NRG3: variants seen among roughly 807,000 people sequenced by gnomAD.
NRG3 encodes the protein neuregulin 3.
Under a neutral mutation model 66.9 loss-of-function variants are expected in NRG3, and 31 were observed. The ratio of observed to expected loss-of-function variants is 0.46; its 90% CI spans 0.35 to 0.63. NRG3 has a LOEUF of 0.63. Ranked by LOEUF, NRG3 falls within the 20% of genes least tolerant of loss-of-function variation. NRG3 has a pLI of 0.00. For missense variants in NRG3, 910 were observed against 878.9 expected (o/e 1.04, Z -0.45); for synonymous variants, 393 against 359.4 (o/e 1.09, Z -1.06).
At chr10:82,853,674 C>G (rs1233635624) in intron 3 of NRG3, among the ~76,000 whole-genome samples, 3 of 152,098 alleles carry the variant, frequency 2.0e-5, no homozygotes, top group Non-Finnish European at 4.4e-5. Flanking sequence ...TTGCTAGATT[C>G]ATTTATCAGT....
At chr10:82,964,862 T>A (rs549804927) in intron 6 of NRG3, among the ~76,000 whole-genome samples, 1 of 152,360 alleles carries the variant, frequency 6.6e-6, no homozygotes, top group East Asian at 1.9e-4. Context: ...ACTCCTGCTG[T>A]GTGCATGTGG....
intron 6 of NRG3, among the ~76,000 whole-genome samples, chr10:82,959,948 C>T (rs1485334888): frequency 6.6e-6 from 1 of 152,194 alleles, no homozygotes. Flanking sequence ...CCCCACACAG[C>T]ATCCGCACTT....
chr10:82,831,672 G>T (rs1320479018), intron 3 of NRG3, among the ~76,000 whole-genome samples: 2 of 152,202 alleles, frequency 1.3e-5, no homozygotes, highest in Admixed American at 6.5e-5. Context: ...AAATTAGCTT[G>T]GTGTGGTGGC....
chr10:82,117,677 G>T (rs2067813578), intron 1 of NRG3, among the ~76,000 whole-genome samples: 1 of 152,040 alleles, frequency 6.6e-6, no homozygotes, highest in African/African-American at 2.4e-5. Flanking sequence ...GCATTGCCCA[G>T]AGTGTCTTGT....
intron 1 of NRG3, among the ~76,000 whole-genome samples, chr10:82,305,156 G>A (rs1051610155): frequency 1.3e-5 from 2 of 151,170 alleles, no homozygotes; most frequent in African/African-American, 2.4e-5. Context: ...CACCACGCTC[G>A]GCTAATTTTT....
chr10:82,651,780 T>C (rs2051436789), intron 2 of NRG3, among the ~76,000 whole-genome samples: 1 of 152,058 alleles, frequency 6.6e-6, no homozygotes, highest in Non-Finnish European at 1.5e-5. Flanking sequence ...CTCATAGATA[T>C]ATGAGGTATA....
intron 1 of NRG3, among the ~76,000 whole-genome samples, chr10:82,273,632 A>G (rs991696657): frequency 1.3e-5 from 2 of 151,966 alleles, no homozygotes; most frequent in African/African-American, 4.8e-5. Context: ...ATTTTAAAAA[A>G]TTTTCTTAAT....
chr10:82,525,769 A>G (rs2132590435), intron 2 of NRG3, among the ~76,000 whole-genome samples: 1 of 152,118 alleles, frequency 6.6e-6, no homozygotes, highest in South Asian at 2.1e-4. Flanking sequence ...ATTATCAGAG[A>G]CAGATCATAA....
chr10:82,835,576 G>A (rs2062732609), intron 3 of NRG3, among the ~76,000 whole-genome samples: 2 of 152,184 alleles, frequency 1.3e-5, no homozygotes, highest in South Asian at 4.2e-4. Context: ...TGATCTTACA[G>A]TCTCAATCCC....
chr10:82,349,910 G>A (rs1212938911), intron 1 of NRG3, among the ~76,000 whole-genome samples: 2 of 152,208 alleles, frequency 1.3e-5, no homozygotes, highest in African/African-American at 2.4e-5. Context: ...GCAATGCCTC[G>A]CCCTGCTTCG....
chr10:82,505,797 G>A (rs1844613834), intron 2 of NRG3, among the ~76,000 whole-genome samples: 1 of 152,192 alleles, frequency 6.6e-6, no homozygotes, highest in Non-Finnish European at 1.5e-5. Context: ...TGAAGGCACT[G>A]AACATCTAGA....
intron 1 of NRG3, among the ~76,000 whole-genome samples, chr10:82,133,257 T>G (rs1389361796): frequency 1.3e-5 from 2 of 152,162 alleles, no homozygotes; most frequent in East Asian, 3.8e-4. Context: ...AACATTGTTA[T>G]TTTGAAAAAC....
Position 82,323,966 on chromosome 10 carries a change from G to A in NRG3, c.824-34773G>A, listed in dbSNP as rs530462980. 4.6e-5 allele frequency among the ~76,000 whole-genome samples: 7 copies of A among 152,250 alleles called. No homozygotes were observed. The East Asian group carries it at 1.4e-3, about 29-fold the overall frequency. ...TGCAACCTCCACCTCGCAGGTTCAA[G>A]CTATTCTCTCGCCTTAGCCTCCTGA... On this transcript the variant is annotated intron_variant, in intron 1 of 8. Coordinates refer to ENST00000372141, the MANE Select transcript of NRG3 (RefSeq NM_001010848.4).
intron 4 of NRG3, among the ~76,000 whole-genome samples, chr10:82,947,744 A>G (rs1231759260): frequency 6.6e-6 from 1 of 152,110 alleles, no homozygotes; most frequent in Non-Finnish European, 1.5e-5. Flanking sequence ...TGTCTATTCA[A>G]CTATGTTTTG....
chr10:82,469,713 T>A (rs1841047757), intron 2 of NRG3, among the ~76,000 whole-genome samples: 1 of 152,124 alleles, frequency 6.6e-6, no homozygotes, highest in East Asian at 1.9e-4. Context: ...TCTGAGTACA[T>A]AGGAAGCCTG....
At chr10:82,968,649 G>GAGGAAGGGAGGC (rs1851430031) in intron 6 of NRG3, among the ~76,000 whole-genome samples, 1 of 134,550 alleles carries the variant, frequency 7.4e-6, no homozygotes, top group African/African-American at 2.6e-5. Flanking sequence ...GGAAGGAAGG[G>GAGGAAGGGAGGC]AGGAAGGGAG....
At chr10:82,951,721 T>C in intron 5 of NRG3, 150 bp downstream of exon 5, 1 of 643,628 alleles carries the variant, frequency 1.6e-6, no homozygotes, top group Non-Finnish European at 2.8e-6. Context: ...TTTTTGTAAA[T>C]TGTGGTGAGT....
chr10:82,100,006 A>T (rs939281188), intron 1 of NRG3, among the ~76,000 whole-genome samples: 3 of 146,312 alleles, frequency 2.1e-5, no homozygotes, highest in Non-Finnish European at 3.0e-5. Flanking sequence ...TATATAATTT[A>T]AAAAAACAAG....
At chr10:82,974,028 C>T (rs1314352738) in intron 7 of NRG3, 113 bp downstream of exon 7, 1 of 1,215,928 alleles carries the variant, frequency 8.2e-7, no homozygotes, top group South Asian at 1.4e-5. Context: ...TCTTGCTTCT[C>T]CTGTAGTTCT....
Sources: gnomAD v4.1 joint callset for allele counts (sites outside exome capture counted in the v4.1 genomes callset) on GRCh38, gnomAD v4.1.1 for gene constraint, MANE v1.5 for transcripts, NCBI Gene and HGNC (gene_info 2026-07-23, HGNC 2026-07-21) for gene names.